The following DENND5B variants were observed in gnomAD, a reference collection of about 807,000 sequenced individuals.
DENND5B encodes the protein DENN domain-containing protein 5B.
Under a neutral mutation model 140.6 loss-of-function variants are expected in DENND5B, and 34 were observed. That is an observed-to-expected ratio of 0.24 (90% CI 0.18 to 0.32). The LOEUF (loss-of-function observed/expected upper bound fraction) is 0.32. Among genes scored for constraint, DENND5B ranks in the 10% least tolerant of loss-of-function variants. The pLI is 1.00. For missense variants in DENND5B, 1,142 were observed against 1,560.2 expected (o/e 0.73, Z 4.52); for synonymous variants, 551 against 562.1 (o/e 0.98, Z 0.28).
chr12:31,442,109 A>G (rs1002283068), intron 7 of DENND5B, among the ~76,000 whole-genome samples: 1 of 152,236 alleles, frequency 6.6e-6, no homozygotes, highest in Non-Finnish European at 1.5e-5. Flanking sequence ...GCCTAAGAAT[A>G]TATCTTGCTA....
intron 1 of DENND5B, among the ~76,000 whole-genome samples, chr12:31,533,171 C>T (rs1273348017): frequency 6.6e-6 from 1 of 152,042 alleles, no homozygotes; most frequent in Non-Finnish European, 1.5e-5. Flanking sequence ...CTTAAATTTG[C>T]CCTCCTATTA....
chr12:31,523,785 G>T, intron 1 of DENND5B, among the ~76,000 whole-genome samples: 1 of 152,140 alleles, frequency 6.6e-6, no homozygotes, highest in East Asian at 1.9e-4. Flanking sequence ...TCCCTCATTT[G>T]TATGTACATG....
chr12:31,555,410 T>G (rs1949242982), intron 1 of DENND5B, among the ~76,000 whole-genome samples: 1 of 152,198 alleles, frequency 6.6e-6, no homozygotes, highest in Non-Finnish European at 1.5e-5. Context: ...ATCGTTCTTC[T>G]GGAAGTTTTG....
chr12:31,586,634 G>A (rs1268555601), intron 1 of DENND5B, among the ~76,000 whole-genome samples: 3 of 152,286 alleles, frequency 2.0e-5, no homozygotes, highest in South Asian at 4.1e-4. Context: ...GCCTTGATAA[G>A]TTTTATTATA....
intron 1 of DENND5B, among the ~76,000 whole-genome samples, chr12:31,519,335 G>C (rs1196552586): frequency 6.6e-6 from 1 of 152,132 alleles, no homozygotes; most frequent in Non-Finnish European, 1.5e-5. Flanking sequence ...TTTTCTATAG[G>C]ATGAACCTGA....
intron 7 of DENND5B, among the ~76,000 whole-genome samples, chr12:31,438,645 G>A: frequency 6.6e-6 from 1 of 152,094 alleles, no homozygotes; most frequent in Admixed American, 6.6e-5. Context: ...ACAACCTGAA[G>A]ATCTTTAAAG....
At chr12:31,420,625 G>A (rs1942976765) in intron 11 of DENND5B, among the ~76,000 whole-genome samples, 1 of 152,126 alleles carries the variant, frequency 6.6e-6, no homozygotes, top group African/African-American at 2.4e-5. Flanking sequence ...TATATTTTTA[G>A]TAGAGACGGG....
At chr12:31,403,941 G>C (rs1941976913) in intron 14 of DENND5B, among the ~76,000 whole-genome samples, 1 of 148,622 alleles carries the variant, frequency 6.7e-6, no homozygotes, top group African/African-American at 2.5e-5. Flanking sequence ...ACAGGGCCAG[G>C]CACGGGGGCT....
intron 1 of DENND5B, among the ~76,000 whole-genome samples, chr12:31,553,484 T>C (rs146693570): frequency 6.6e-4 from 100 of 152,352 alleles, no homozygotes; most frequent in African/African-American, 2.4e-3. Flanking sequence ...TACTTCCAAC[T>C]ATGTAGTCAA....
intron 17 of DENND5B, among the ~76,000 whole-genome samples, chr12:31,396,928 G>T (rs1941507139): frequency 6.6e-6 from 1 of 152,130 alleles, no homozygotes; most frequent in South Asian, 2.1e-4. Flanking sequence ...GGTCCACGTA[G>T]ATGTGATCCA....
At chr12:31,403,897 CAAAAAAAAAA>C (rs751708684) in intron 14 of DENND5B, among the ~76,000 whole-genome samples, 1 of 36,372 alleles carries the variant, frequency 2.7e-5, no homozygotes, top group African/African-American at 1.4e-4. Flanking sequence ...ACTCCATCTC[CAAAAAAAAAA>C]AAAAAAAAAA....
At chr12:31,451,481 G>A (rs775864748) in intron 5 of DENND5B, among the ~76,000 whole-genome samples, 1 of 151,912 alleles carries the variant, frequency 6.6e-6, no homozygotes, top group African/African-American at 2.4e-5. Context: ...GCGCCACCAC[G>A]CCCAGCTAAT....
intron 10 of DENND5B, 74 bp downstream of exon 10, chr12:31,424,461 T>A: frequency 6.9e-7 from 1 of 1,440,370 alleles, no homozygotes; most frequent in South Asian, 1.6e-5. Flanking sequence ...TTTAATGACA[T>A]ATTTGTCTCC....
intron 1 of DENND5B, among the ~76,000 whole-genome samples, chr12:31,578,983 T>C (rs191187560): frequency 2.6e-5 from 4 of 152,362 alleles, no homozygotes; most frequent in Admixed American, 1.3e-4. Flanking sequence ...GCTATTTTCA[T>C]AGCATCATAG....
chr12:31,511,921 C>CCTTT (rs1555166216), intron 1 of DENND5B, among the ~76,000 whole-genome samples: 1 of 98,946 alleles, frequency 1.0e-5, no homozygotes, highest in Non-Finnish European at 1.8e-5. Flanking sequence ...CTCCACTGCC[C>CCTTT]TTTTTTTTTT....
intron 1 of DENND5B, among the ~76,000 whole-genome samples, chr12:31,571,343 C>T (rs1265644166): frequency 1.3e-5 from 2 of 152,064 alleles, no homozygotes; most frequent in Non-Finnish European, 2.9e-5. Context: ...TCCTGTCTTC[C>T]CATCTTATTT....
intron 1 of DENND5B, among the ~76,000 whole-genome samples, chr12:31,558,192 G>A (rs1379720852): frequency 1.3e-5 from 2 of 152,190 alleles, no homozygotes; most frequent in Non-Finnish European, 2.9e-5. Flanking sequence ...AGACCAGACA[G>A]TTTTATTGTT....
chr12:31,554,383 A>G (rs1387440731), intron 1 of DENND5B, among the ~76,000 whole-genome samples: 2 of 152,174 alleles, frequency 1.3e-5, no homozygotes, highest in Non-Finnish European at 2.9e-5. Context: ...AGAATGTTGA[A>G]TATTGGCCCC....
chr12:31,483,032 C>G (rs1342225733), intron 2 of DENND5B, among the ~76,000 whole-genome samples: 1 of 152,244 alleles, frequency 6.6e-6, no homozygotes, highest in Non-Finnish European at 1.5e-5. Context: ...CGTTACTGTT[C>G]TATGAACACA....
Sources: gnomAD v4.1 joint callset for allele counts (sites outside exome capture counted in the v4.1 genomes callset) on GRCh38, gnomAD v4.1.1 for gene constraint, MANE v1.5 for transcripts, NCBI Gene and HGNC (gene_info 2026-07-23, HGNC 2026-07-21) for gene names.